The following ZNF592 variants were observed in gnomAD, a reference collection of about 807,000 sequenced individuals.
ZNF592 encodes zinc finger protein 592.
ZNF592 carries 11 observed loss-of-function variants against 80.3 expected under a neutral mutation model. That is an observed-to-expected ratio of 0.14 (90% CI 0.09 to 0.23). The LOEUF (loss-of-function observed/expected upper bound fraction) is 0.23. ZNF592 is among the 10% of genes least tolerant of loss of function. The pLI is 1.00. For synonymous variants in ZNF592, 646 were observed against 640.3 expected (o/e 1.01, Z -0.13); for missense variants, 1,420 against 1,633.9 (o/e 0.87, Z 2.26).
At chr15:84,780,595 C>T (rs1189513922) in intron 3 of ZNF592, among the ~76,000 whole-genome samples, 1 of 152,184 alleles carries the variant, frequency 6.6e-6, no homozygotes, top group Non-Finnish European at 1.5e-5. Flanking sequence ...TAGATATCTT[C>T]CCAATGGGAG....
At chr15:84,801,059 G>A (rs68097191) in intron 10 of ZNF592, among the ~76,000 whole-genome samples, 9,065 of 152,290 alleles carry the variant, frequency 0.06, 334 homozygotes, top group African/African-American at 0.074. Context: ...GGTGGCTCAT[G>A]CCTGTAATCC....
chr15:84,796,253 T>A lies in ZNF592; in HGVS notation c.2400-1616T>A, dbSNP rs1567076214. Reference sequence around the variant, plus strand: ...AAAAAAAAAAAAATATATATATATATATATATATATATTTTATATATATAT... The same window carrying A: ...AAAAAAAAAAAAATATATATATATAAATATATATATATTTTATATATATAT... On this transcript the variant is annotated intron_variant, in intron 5 of 10. Transcript: ENST00000560079. 5.1e-3 allele frequency among the ~76,000 whole-genome samples: 84 copies of A among 16,454 alleles called. 3 individuals are homozygous for A. Among genetic ancestry groups the A allele is most frequent in the African/African-American group, 0.018 (61 of 3,450 alleles). 10.8% of individuals were successfully genotyped at this position (16,454 alleles called of 152,430 possible). A position where few individuals can be genotyped will look rare whatever the true frequency, so the allele number is the denominator to read the frequency against.
intron 1 of ZNF592, among the ~76,000 whole-genome samples, chr15:84,761,007 A>G (rs1899334597): frequency 6.6e-6 from 1 of 152,014 alleles, no homozygotes; most frequent in African/African-American, 2.4e-5. Flanking sequence ...CTTGTTGCCC[A>G]GATTGGGGTG....
chr15:84,750,652 A>G (rs1025860531), intron 1 of ZNF592, among the ~76,000 whole-genome samples: 17 of 152,152 alleles, frequency 1.1e-4, no homozygotes, highest in African/African-American at 3.4e-4. Context: ...AGTGAATATA[A>G]GAAGAGAAAG....
chr15:84,781,238 G>A (rs1024906014), intron 3 of ZNF592, among the ~76,000 whole-genome samples: 1 of 151,902 alleles, frequency 6.6e-6, no homozygotes, highest in African/African-American at 2.4e-5. Flanking sequence ...AGTAGAGATG[G>A]GGTTTCATCA....
Position 84,790,740 on chromosome 15 carries a change from G to T in ZNF592, c.2256G>T (p.Gln752His), listed in dbSNP as rs751469811. Residue 752 changes from glutamine (Q) to histidine (H), a missense_variant, in exon 5 of 11, where the codon CAG (glutamine) becomes CAT (histidine). Around this residue, in one of 7 missense-constraint regions of ZNF592, gnomAD observed 524 missense variants for 628.3 expected, o/e 0.83. Transcript: ENST00000560079. Reference sequence around the variant, plus strand: ...TATGCCAAATGCTGCTGCCCAACCAGTGCAGTTTCTGTGCCCACCAGCGGA... The same window carrying T: ...TATGCCAAATGCTGCTGCCCAACCATTGCAGTTTCTGTGCCCACCAGCGGA... The part of the protein sequence containing the change: ...CQVCQMLLPN[Q>H]CSFCAHQRIH... 4.3e-6 allele frequency: 7 copies of T among 1,614,038 alleles called. No individual in the cohort carries two copies. The South Asian group carries it at 4.4e-5, about 10-fold the overall frequency.
intron 1 of ZNF592, among the ~76,000 whole-genome samples, chr15:84,757,727 C>CAGAGA (rs1314421358): frequency 6.6e-6 from 1 of 150,908 alleles, no homozygotes; most frequent in Non-Finnish European, 1.5e-5. Context: ...GGCATGATCT[C>CAGAGA]AGCTCACTGC....
chr15:84,784,046 CTCG>C lies in ZNF592; in HGVS notation c.1374_1376del (p.Ser460del), dbSNP rs1461443992. On this transcript the variant is annotated inframe_deletion, in exon 4 of 11. Coordinates refer to ENST00000560079, the MANE Select transcript of ZNF592 (RefSeq NM_014630.3). The surrounding 1 kb of genome is among the most constrained non-coding windows in gnomAD (Gnocchi z 5.8). The stretch of plus-strand genomic sequence containing the variant: ...ACGAGAGCATGACAAAGGCCAGTGA[CTCG>C]TCATCTCCCAGCTGCAGTTCTGGGC... 1 of 1,612,858 alleles carries C rather than the reference CTCG, an allele frequency of 6.2e-7. No individual in the cohort carries two copies. The highest frequency in any genetic ancestry group is 1.7e-5 in the Admixed American group (1 of 60,002).
chr15:84,789,508 G>C (rs905467078), intron 4 of ZNF592, among the ~76,000 whole-genome samples: 2 of 152,036 alleles, frequency 1.3e-5, no homozygotes, highest in African/African-American at 4.8e-5. Flanking sequence ...AGATACCACT[G>C]TACTATTTTC....
chr15:84,768,316 C>A (rs1343457130), intron 2 of ZNF592, among the ~76,000 whole-genome samples: 1 of 148,620 alleles, frequency 6.7e-6, no homozygotes, highest in Non-Finnish European at 1.5e-5. Context: ...CAGCTCACTA[C>A]AACCTCTGCC....
intron 4 of ZNF592, among the ~76,000 whole-genome samples, chr15:84,785,501 A>G (rs1962564532): frequency 1.3e-5 from 2 of 152,080 alleles, no homozygotes; most frequent in Non-Finnish European, 1.5e-5. Context: ...TAGTAGAGAC[A>G]GGGTTTCACC....
intron 3 of ZNF592, among the ~76,000 whole-genome samples, chr15:84,778,523 A>G (rs998286758): frequency 3.9e-5 from 6 of 152,080 alleles, no homozygotes; most frequent in African/African-American, 1.4e-4. Flanking sequence ...GGAAAGGGCA[A>G]GAAGGCCGTG....
At chr15:84,763,871 C>T (rs190209520) in intron 1 of ZNF592, among the ~76,000 whole-genome samples, 7 of 152,274 alleles carry the variant, frequency 4.6e-5, no homozygotes, top group African/African-American at 9.6e-5. Context: ...TGTTTCTCAA[C>T]GCTAGTCAAT....
intron 2 of ZNF592, among the ~76,000 whole-genome samples, chr15:84,776,833 C>T (rs1962266931): frequency 6.6e-6 from 1 of 151,730 alleles, no homozygotes; most frequent in Non-Finnish European, 1.5e-5. Flanking sequence ...CGGTGGAATA[C>T]GAGGTCAGGA....
At chr15:84,788,278 C>G (rs1179733561) in intron 4 of ZNF592, among the ~76,000 whole-genome samples, 1 of 152,148 alleles carries the variant, frequency 6.6e-6, no homozygotes, top group Non-Finnish European at 1.5e-5. Context: ...AAGCTCCCCA[C>G]CTTTTACCTA....
At chr15:84,761,542 G>A (rs1252220098) in intron 1 of ZNF592, among the ~76,000 whole-genome samples, 1 of 152,202 alleles carries the variant, frequency 6.6e-6, no homozygotes, top group Non-Finnish European at 1.5e-5. Flanking sequence ...TTTCAAGTGA[G>A]TTTTGGAAGC....
Position 84,805,447 on chromosome 15 carries a change from CAGATA to C in ZNF592, c.*3059_*3063del, listed in dbSNP as rs1322057435. ...TGAATGCTCTACTGATCAAGTTAAA[CAGATA>C]AGATCCCTTCCCTTGTAGAAACTAC... On this transcript the variant is annotated 3_prime_UTR_variant, in exon 11 of 11. Transcript: ENST00000560079. 1.3e-5 allele frequency: 2 copies of C among 152,576 alleles called. No homozygotes were observed. Among genetic ancestry groups the C allele is most frequent in the African/African-American group, 2.4e-5 (1 of 41,462 alleles). The allele number at this position is 152,576 out of a possible 1,614,324, so 9.5% of individuals were successfully genotyped here. A position where few individuals can be genotyped will look rare whatever the true frequency, so the allele number is the denominator to read the frequency against.
At chr15:84,749,896 A>C (rs1596100433) in intron 1 of ZNF592, among the ~76,000 whole-genome samples, 1 of 152,354 alleles carries the variant, frequency 6.6e-6, no homozygotes, top group South Asian at 2.1e-4. Context: ...TCATTAAATA[A>C]ATTTTTACTG....
chr15:84,779,662 A>G (rs1241368181), intron 3 of ZNF592, among the ~76,000 whole-genome samples: 2 of 152,050 alleles, frequency 1.3e-5, no homozygotes, highest in Non-Finnish European at 2.9e-5. Flanking sequence ...TAAAATCTCT[A>G]TAAAAGTTTT....
Sources: gnomAD v4.1 joint callset for allele counts (sites outside exome capture counted in the v4.1 genomes callset) on GRCh38, gnomAD v4.1.1 for gene constraint, gnomAD v4.1.1 regional missense constraint, Gnocchi (gnomAD v3.1) non-coding constraint, MANE v1.5 for transcripts, NCBI Gene and HGNC (gene_info 2026-07-23, HGNC 2026-07-21) for gene names.